Variants in CHN2 observed in about 807,000 individuals in gnomAD.
CHN2 encodes the protein chimerin 2.
Under a neutral mutation model 56.3 loss-of-function variants are expected in CHN2, and 35 were observed. The ratio of observed to expected loss-of-function variants is 0.62; its 90% CI spans 0.47 to 0.82. The LOEUF is 0.82. Ranked by LOEUF, CHN2 falls within the 40% of genes least tolerant of loss-of-function variation. The pLI is 0.00. For missense variants in CHN2, 491 were observed against 580.5 expected, an observed-to-expected ratio of 0.85 and a Z score of 1.58; for synonymous variants, 210 against 212.8, an observed-to-expected ratio of 0.99 and a Z score of 0.12.
intron 3 of CHN2, among the ~76,000 whole-genome samples, chr7:29,374,635 G>C (rs988678431): frequency 6.6e-6 from 1 of 152,172 alleles, no homozygotes; most frequent in Non-Finnish European, 1.5e-5. Context: ...AGGGGAGCAG[G>C]TGAGGTGAGC....
chr7:29,190,710 T>G (rs1782780538), upstream of CHN2, among the ~76,000 whole-genome samples: 1 of 152,232 alleles, frequency 6.6e-6, no homozygotes, highest in Non-Finnish European at 1.5e-5. Flanking sequence ...CGTCAAGTTC[T>G]TTCTTTTGCT....
intron 6 of CHN2, among the ~76,000 whole-genome samples, chr7:29,409,696 TA>T (rs1438258408): frequency 6.6e-6 from 1 of 152,244 alleles, no homozygotes; most frequent in Admixed American, 6.5e-5. Context: ...GGTAGTTTCT[TA>T]AAGGTTAGTT....
intron 6 of CHN2, among the ~76,000 whole-genome samples, chr7:29,432,277 T>C (rs558437942): frequency 2.0e-5 from 3 of 152,314 alleles, no homozygotes; most frequent in African/African-American, 4.8e-5. Context: ...CCCAGAAGCA[T>C]GAATGATATG....
rs574406094 is a variant in CHN2 at position 29,154,206 on chromosome 7, G to A, written c.274+7246G>A. On this transcript the variant is annotated intron_variant, in intron 2 of 6. Coordinates refer to the CHN2 transcript ENST00000439384. ...TGGGCTTCTCATTGCAGAATCTGTG[G>A]AACAGGATGCCAGCAGACAGAGGAG... 3.2e-3 allele frequency among the ~76,000 whole-genome samples: 485 copies of A among 152,272 alleles called. 2 individuals are homozygous for A. The highest frequency in any genetic ancestry group is 5.5e-3 in the Non-Finnish European group (373 of 68,012).
chr7:29,326,974 A>G (rs1289559747), intron 1 of CHN2, among the ~76,000 whole-genome samples: 2 of 152,220 alleles, frequency 1.3e-5, no homozygotes, highest in African/African-American at 2.4e-5. Context: ...AAGTATAGCA[A>G]TGGAAGTACT....
chr7:29,251,069 T>G (rs1788473471), intron 1 of CHN2, among the ~76,000 whole-genome samples: 1 of 152,224 alleles, frequency 6.6e-6, no homozygotes, highest in Admixed American at 6.5e-5. Flanking sequence ...TGGGCAAGGA[T>G]GGCAAAATTG....
intron 1 of CHN2, among the ~76,000 whole-genome samples, chr7:29,239,207 T>C (rs1787453178): frequency 1.3e-5 from 2 of 152,098 alleles, no homozygotes; most frequent in African/African-American, 4.8e-5. Flanking sequence ...TGCTTGAATT[T>C]TGAGGGGTTT....
chr7:29,512,072 C>T (rs868154951), intron 12 of CHN2, among the ~76,000 whole-genome samples: 19 of 152,082 alleles, frequency 1.2e-4, no homozygotes, highest in African/African-American at 4.1e-4. Flanking sequence ...CATGACAGCC[C>T]ATTCTACACA....
At chr7:29,337,738 G>A (rs1444209195) in intron 1 of CHN2, among the ~76,000 whole-genome samples, 1 of 152,232 alleles carries the variant, frequency 6.6e-6, no homozygotes, top group Admixed American at 6.5e-5. Flanking sequence ...CTTGCAGGTT[G>A]TGAGGGATTG....
chr7:29,424,502 C>T (rs1381313944), intron 6 of CHN2, among the ~76,000 whole-genome samples: 1 of 152,208 alleles, frequency 6.6e-6, no homozygotes, highest in Non-Finnish European at 1.5e-5. Flanking sequence ...GGAACATCAG[C>T]ACTACCTTCT....
At chr7:29,208,650 G>C (rs1453140360) in intron 1 of CHN2, among the ~76,000 whole-genome samples, 1 of 152,100 alleles carries the variant, frequency 6.6e-6, no homozygotes, top group African/African-American at 2.4e-5. Flanking sequence ...CACTGTTCCT[G>C]GGACCTGCTG....
chr7:29,363,801 G>T (rs1009647194), intron 2 of CHN2, among the ~76,000 whole-genome samples: 4 of 152,066 alleles, frequency 2.6e-5, no homozygotes, highest in Non-Finnish European at 2.9e-5. Flanking sequence ...GGGAGAGAGC[G>T]AGCCATGTGG....
intron 1 of CHN2, among the ~76,000 whole-genome samples, chr7:29,250,504 G>A (rs987309975): frequency 9.9e-5 from 15 of 152,090 alleles, no homozygotes; most frequent in Non-Finnish European, 1.5e-5. Flanking sequence ...GATGTAGGAA[G>A]GTACAGAAGA....
chr7:29,417,953 A>G (rs1369690487), intron 6 of CHN2, among the ~76,000 whole-genome samples: 1 of 152,206 alleles, frequency 6.6e-6, no homozygotes, highest in Non-Finnish European at 1.5e-5. Context: ...TCCTAGGACA[A>G]GCACATGTGA....
chr7:29,281,259 T>C (rs950910990), intron 1 of CHN2, among the ~76,000 whole-genome samples: 11 of 146,496 alleles, frequency 7.5e-5, no homozygotes, highest in Non-Finnish European at 1.5e-5. Context: ...GCACATATTC[T>C]TCTTTTTTCC....
chr7:29,165,555 T>G (rs1795800744), intron 2 of CHN2, among the ~76,000 whole-genome samples: 1 of 152,206 alleles, frequency 6.6e-6, no homozygotes. Flanking sequence ...TTTCTTTTTC[T>G]TTCATTAATA....
intron 1 of CHN2, among the ~76,000 whole-genome samples, chr7:29,228,516 C>G (rs149320417): frequency 3.3e-5 from 5 of 152,298 alleles, no homozygotes; most frequent in African/African-American, 4.8e-5. Flanking sequence ...AGAACATACC[C>G]TGTGAGTTAA....
Position 29,440,854 on chromosome 7 carries a change from A to C in CHN2, c.577-39425A>C, listed in dbSNP as rs76392903. 6.7e-3 allele frequency among the ~76,000 whole-genome samples: 1,020 copies of C among 152,188 alleles called. 11 individuals carry two copies. Among genetic ancestry groups the C allele is most frequent in the African/African-American group, 0.023 (953 of 41,532 alleles). On this transcript the variant is annotated intron_variant, in intron 6 of 12. Transcript: ENST00000222792. The stretch of plus-strand genomic sequence containing the variant: ...TGTGGCCAATTGATTTTTTGGTAGA[A>C]GTTTTTATTTCATATTTCTCCATTT...
rs183425012 is a variant in CHN2 at position 29,212,787 on chromosome 7, A to G, written c.49+17797A>G. On this transcript the variant is annotated intron_variant, in intron 1 of 12. Transcript: ENST00000222792. ...AAAAACAACTGGCCGAAGAATAGCA[A>G]TGGTGTGACTCGGAAGGCCTCAGCA... 2.8e-4 allele frequency: 445 copies of G among 1,609,974 alleles called. 2 individuals are homozygous for G. The African/African-American group carries it at 5.1e-3, about 18-fold the overall frequency.
Sources: gnomAD v4.1 joint callset for allele counts (sites outside exome capture counted in the v4.1 genomes callset) on GRCh38, gnomAD v4.1.1 for gene constraint, MANE v1.5 for transcripts, NCBI Gene and HGNC (gene_info 2026-07-23, HGNC 2026-07-21) for gene names.